KCNIP4: variants seen among roughly 807,000 people sequenced by gnomAD.
KCNIP4 encodes Kv channel-interacting protein 4.
In KCNIP4, 12 loss-of-function variants were observed where a neutral mutation model predicts 34.0. The ratio of observed to expected loss-of-function variants is 0.35; its 90% CI spans 0.23 to 0.57. KCNIP4 has a LOEUF of 0.57. KCNIP4 is among the 20% of genes least tolerant of loss of function. The pLI is 0.83. For synonymous variants in KCNIP4, 124 were observed against 102.2 expected (o/e 1.21, Z -1.29); for missense variants, 238 against 311.7 (o/e 0.76, Z 1.78).
At chr4:20,815,555 C>T (rs1560485976) in intron 3 of KCNIP4, among the ~76,000 whole-genome samples, 1 of 152,130 alleles carries the variant, frequency 6.6e-6, no homozygotes, top group Non-Finnish European at 1.5e-5. Flanking sequence ...TAATATACTC[C>T]CCTCCAAGCC....
At chr4:20,997,176 C>T (rs995939425) in intron 1 of KCNIP4, among the ~76,000 whole-genome samples, 3 of 152,056 alleles carry the variant, frequency 2.0e-5, no homozygotes, top group Non-Finnish European at 2.9e-5. Context: ...GTATCTGGTC[C>T]GTTTCATCTG....
At chr4:21,420,779 C>T (rs1341931172) in intron 1 of KCNIP4, among the ~76,000 whole-genome samples, 1 of 152,004 alleles carries the variant, frequency 6.6e-6, no homozygotes, top group East Asian at 1.9e-4. Flanking sequence ...CAAGCAAAAG[C>T]AGATAAATAA....
chr4:21,433,238 T>C (rs1365830015), intron 1 of KCNIP4, among the ~76,000 whole-genome samples: 1 of 152,212 alleles, frequency 6.6e-6, no homozygotes, highest in Non-Finnish European at 1.5e-5. Flanking sequence ...TTTTCTGTTA[T>C]GATTTAGTGA....
chr4:21,659,696 A>T (rs187851149), intron 1 of KCNIP4, among the ~76,000 whole-genome samples: 116 of 152,256 alleles, frequency 7.6e-4, no homozygotes, highest in Admixed American at 1.9e-3. Flanking sequence ...GATTGTTATT[A>T]TTATTTTTGA....
Position 20,842,244 on chromosome 4 carries a change from G to A in KCNIP4, c.288+8299C>T, listed in dbSNP as rs1719819365. Among the ~76,000 whole-genome samples, 3 of 152,266 alleles carry A rather than the reference G, an allele frequency of 2.0e-5. No individual in the cohort carries two copies. In the South Asian group the frequency reaches 6.2e-4, roughly 32 times the overall value. The stretch of plus-strand genomic sequence containing the variant: ...AAAAATATATTGAAAGGAAGTCTAA[G>A]TATGGATGTGGAGAAGGTGTAGCTG... On this transcript the variant is annotated intron_variant, in intron 3 of 8. Coordinates refer to ENST00000382152, the MANE Select transcript of KCNIP4 (RefSeq NM_025221.6).
intron 1 of KCNIP4, among the ~76,000 whole-genome samples, chr4:21,376,557 G>A (rs1720976585): frequency 6.6e-6 from 1 of 152,174 alleles, no homozygotes; most frequent in Non-Finnish European, 1.5e-5. Flanking sequence ...TTCATCACAA[G>A]TATATGCTTT....
At chr4:21,908,484 T>C (rs1245152214) in intron 1 of KCNIP4, among the ~76,000 whole-genome samples, 1 of 152,142 alleles carries the variant, frequency 6.6e-6, no homozygotes, top group Non-Finnish European at 1.5e-5. Flanking sequence ...TATTAGGCAA[T>C]AAATGAGGTT....
intron 1 of KCNIP4, among the ~76,000 whole-genome samples, chr4:21,068,216 A>G (rs1744579452): frequency 6.6e-6 from 1 of 151,982 alleles, no homozygotes; most frequent in South Asian, 2.1e-4. Context: ...TTCTGGTACC[A>G]CTCATGTCCA....
chr4:20,849,598 T>C (rs541126035), intron 3 of KCNIP4, among the ~76,000 whole-genome samples: 1 of 151,908 alleles, frequency 6.6e-6, no homozygotes, highest in Non-Finnish European at 1.5e-5. Context: ...CATCACAGAC[T>C]TCTACACGCA....
chr4:21,650,410 C>A, intron 1 of KCNIP4, among the ~76,000 whole-genome samples: 1 of 152,110 alleles, frequency 6.6e-6, no homozygotes, highest in South Asian at 2.1e-4. Context: ...TAGTACAAAT[C>A]ATAAAATAAC....
At chr4:20,991,769 A>G (rs1737100901) in intron 1 of KCNIP4, among the ~76,000 whole-genome samples, 1 of 152,182 alleles carries the variant, frequency 6.6e-6, no homozygotes, top group South Asian at 2.1e-4. Context: ...AAGTATGACA[A>G]ATGGCATCTC....
At chr4:21,404,808 AT>A (rs1432002110) in intron 1 of KCNIP4, among the ~76,000 whole-genome samples, 1 of 152,232 alleles carries the variant, frequency 6.6e-6, no homozygotes, top group East Asian at 1.9e-4. Context: ...GCAACTGCAT[AT>A]GATTTGCTAC....
chr4:20,987,386 CAGCAG>C (rs1736674476), intron 1 of KCNIP4, among the ~76,000 whole-genome samples: 2 of 148,340 alleles, frequency 1.3e-5, no homozygotes, highest in Non-Finnish European at 3.0e-5. Context: ...ATGAGTCCTC[CAGCAG>C]AGGTCTGTCT....
chr4:21,829,219 C>G (rs1722838433), intron 1 of KCNIP4, among the ~76,000 whole-genome samples: 1 of 151,896 alleles, frequency 6.6e-6, no homozygotes, highest in East Asian at 1.9e-4. Flanking sequence ...AGAAACTCCT[C>G]TATTTATGAT....
At chr4:21,180,194 A>G (rs970272098) in intron 1 of KCNIP4, among the ~76,000 whole-genome samples, 1 of 152,176 alleles carries the variant, frequency 6.6e-6, no homozygotes, top group African/African-American at 2.4e-5. Context: ...ACTCTCATAA[A>G]TCTCACTTCT....
intron 1 of KCNIP4, among the ~76,000 whole-genome samples, chr4:21,539,440 A>C (rs1001814449): frequency 7.2e-5 from 11 of 152,210 alleles, no homozygotes; most frequent in African/African-American, 2.7e-4. Flanking sequence ...GGATGGAAAC[A>C]AAATTGATGA....
intron 1 of KCNIP4, among the ~76,000 whole-genome samples, chr4:20,980,014 T>C (rs1319575610): frequency 1.3e-5 from 2 of 152,186 alleles, no homozygotes; most frequent in African/African-American, 2.4e-5. Context: ...TCCTGGATTT[T>C]CCAATTTGGG....
At chr4:20,856,680 T>C (rs1476759962) in intron 2 of KCNIP4, among the ~76,000 whole-genome samples, 2 of 152,190 alleles carry the variant, frequency 1.3e-5, no homozygotes, top group Admixed American at 6.5e-5. Flanking sequence ...TTTGCTGCCC[T>C]ATAGGGAAAT....
intron 1 of KCNIP4, among the ~76,000 whole-genome samples, chr4:21,307,719 AT>A (rs1459279171): frequency 1.3e-5 from 2 of 152,098 alleles, no homozygotes; most frequent in African/African-American, 4.8e-5. Flanking sequence ...TGTTACCAGC[AT>A]GCCTCCTCTG....
Sources: gnomAD v4.1 joint callset for allele counts (sites outside exome capture counted in the v4.1 genomes callset) on GRCh38, gnomAD v4.1.1 for gene constraint, MANE v1.5 for transcripts, NCBI Gene and HGNC (gene_info 2026-07-23, HGNC 2026-07-21) for gene names.